The following GFRA2 variants were observed in gnomAD, a reference collection of about 807,000 sequenced individuals.
GFRA2 encodes GDNF family receptor alpha-2.
In GFRA2, 17 loss-of-function variants were observed where a neutral mutation model predicts 48.3. The ratio of observed to expected loss-of-function variants is 0.35; its 90% CI spans 0.24 to 0.53. The LOEUF is 0.53. Among genes scored for constraint, GFRA2 ranks in the 20% least tolerant of loss-of-function variants. GFRA2 has a pLI of 0.93. For synonymous variants in GFRA2, 305 were observed against 257.2 expected (o/e 1.19, Z -1.78); for missense variants, 660 against 637.3 (o/e 1.04, Z -0.38).
At chr8:21,795,020 G>A (rs1807642918) in intron 2 of GFRA2, among the ~76,000 whole-genome samples, 2 of 152,310 alleles carry the variant, frequency 1.3e-5, no homozygotes, top group Non-Finnish European at 2.9e-5. Flanking sequence ...TGGAGCTCTG[G>A]TTTTACCCAG....
At chr8:21,787,809 C>G (rs1807356423) in intron 1 of GFRA2, among the ~76,000 whole-genome samples, 1 of 152,132 alleles carries the variant, frequency 6.6e-6, no homozygotes, top group South Asian at 2.1e-4. Flanking sequence ...CCCATTATTT[C>G]GGGGGAGATG....
intron 3 of GFRA2, among the ~76,000 whole-genome samples, chr8:21,757,104 C>T (rs1349756735): frequency 6.6e-6 from 1 of 152,218 alleles, no homozygotes; most frequent in Non-Finnish European, 1.5e-5. Flanking sequence ...CCCTCCTACT[C>T]CCTGGGTGAG....
intron 2 of GFRA2, among the ~76,000 whole-genome samples, chr8:21,804,436 AC>A (rs746373584): frequency 0.12 from 8,634 of 71,780 alleles, 418 homozygotes; most frequent in East Asian, 0.31. Flanking sequence ...AAAAAAAAAA[AC>A]AAAAAAAAAA....
chr8:21,725,047 C>G (rs931936733), intron 4 of GFRA2, among the ~76,000 whole-genome samples: 1 of 152,232 alleles, frequency 6.6e-6, no homozygotes, highest in Non-Finnish European at 1.5e-5. Context: ...CTTCCCCAAA[C>G]CCATCCTGCT....
chr8:21,726,443 G>A (rs1215801461), intron 4 of GFRA2, among the ~76,000 whole-genome samples: 1 of 152,186 alleles, frequency 6.6e-6, no homozygotes, highest in African/African-American at 2.4e-5. Flanking sequence ...AAACTCAGTG[G>A]CTTAAAATAA....
chr8:21,727,738 G>C (rs550363199), intron 4 of GFRA2, among the ~76,000 whole-genome samples: 2 of 152,320 alleles, frequency 1.3e-5, no homozygotes, highest in Non-Finnish European at 1.5e-5. Flanking sequence ...GTATTTGAGG[G>C]CCAGGCCAAT....
intron 7 of GFRA2, among the ~76,000 whole-genome samples, chr8:21,695,297 C>A (rs1255402822): frequency 1.3e-5 from 2 of 152,188 alleles, no homozygotes; most frequent in African/African-American, 4.8e-5. Context: ...TGGGAACCAG[C>A]TGGGGATGCA....
intron 4 of GFRA2, among the ~76,000 whole-genome samples, chr8:21,719,233 G>A (rs1337978787): frequency 2.0e-5 from 3 of 152,130 alleles, no homozygotes; most frequent in Non-Finnish European, 2.9e-5. Context: ...AGGGTCAGGA[G>A]GGCCTAGATG....
chr8:21,801,794 G>A (rs923653217), intron 2 of GFRA2, among the ~76,000 whole-genome samples: 17 of 151,996 alleles, frequency 1.1e-4, no homozygotes, highest in Non-Finnish European at 2.1e-4. Flanking sequence ...TGAGGAAGGC[G>A]GCATCCCTTC....
intron 4 of GFRA2, among the ~76,000 whole-genome samples, chr8:21,730,377 T>C (rs1248457558): frequency 1.3e-5 from 2 of 148,830 alleles, no homozygotes; most frequent in South Asian, 2.2e-4. Context: ...CATTCCAGCC[T>C]GGGCAACAAG....
intron 1 of GFRA2, among the ~76,000 whole-genome samples, chr8:21,811,537 T>C (rs1807980471): frequency 6.6e-6 from 1 of 152,106 alleles, no homozygotes; most frequent in Non-Finnish European, 1.5e-5. Flanking sequence ...GGGTCCTCCA[T>C]CCACCTAGGG....
intron 4 of GFRA2, among the ~76,000 whole-genome samples, chr8:21,740,752 T>C (rs1391249412): frequency 6.6e-6 from 1 of 152,192 alleles, no homozygotes; most frequent in African/African-American, 2.4e-5. Flanking sequence ...CTCAAAGGCA[T>C]CTCGAAATTA....
intron 3 of GFRA2, among the ~76,000 whole-genome samples, chr8:21,751,360 G>A (rs1329031311): frequency 6.6e-6 from 1 of 152,206 alleles, no homozygotes; most frequent in Non-Finnish European, 1.5e-5. Flanking sequence ...GGCATTTGGG[G>A]TCAGACAATG....
intron 3 of GFRA2, among the ~76,000 whole-genome samples, chr8:21,752,782 G>A (rs1805362200): frequency 6.6e-6 from 1 of 152,028 alleles, no homozygotes; most frequent in Admixed American, 6.6e-5. Context: ...TCCTCACCCT[G>A]CTGGAAACAA....
chr8:21,716,372 C>A (rs1348391996), intron 4 of GFRA2, among the ~76,000 whole-genome samples: 1 of 151,690 alleles, frequency 6.6e-6, no homozygotes, highest in Non-Finnish European at 1.5e-5. Flanking sequence ...TTCTGCATGA[C>A]CTCCTTTGTC....
intron 2 of GFRA2, among the ~76,000 whole-genome samples, chr8:21,801,403 C>A (rs1807767772): frequency 6.6e-6 from 1 of 152,124 alleles, no homozygotes; most frequent in Non-Finnish European, 1.5e-5. Flanking sequence ...CAGCCACACA[C>A]AATGTCATCT....
chr8:21,754,376 C>T (rs1805450629), intron 3 of GFRA2, among the ~76,000 whole-genome samples: 1 of 152,106 alleles, frequency 6.6e-6, no homozygotes, highest in Non-Finnish European at 1.5e-5. Flanking sequence ...CAAAATGGTA[C>T]AGAGTAGGCA....
intron 6 of GFRA2, among the ~76,000 whole-genome samples, chr8:21,703,826 C>T (rs901885353): frequency 6.6e-6 from 1 of 152,212 alleles, no homozygotes; most frequent in Non-Finnish European, 1.5e-5. Flanking sequence ...CTGTGAGCAG[C>T]TACTATGGCC....
intron 3 of GFRA2, among the ~76,000 whole-genome samples, chr8:21,774,413 G>T (rs1806589460): frequency 1.3e-5 from 2 of 151,544 alleles, no homozygotes; most frequent in African/African-American, 4.9e-5. Context: ...CCCTTCATGT[G>T]GTTCAAGAAG....
Sources: gnomAD v4.1 joint callset for allele counts (sites outside exome capture counted in the v4.1 genomes callset) on GRCh38, gnomAD v4.1.1 for gene constraint, MANE v1.5 for transcripts, NCBI Gene and HGNC (gene_info 2026-07-23, HGNC 2026-07-21) for gene names.